The following ADGRL2 variants were observed in gnomAD, a reference collection of about 807,000 sequenced individuals.
ADGRL2 encodes adhesion G protein-coupled receptor L2.
Under a neutral mutation model 157.4 loss-of-function variants are expected in ADGRL2, and 44 were observed. The ratio of observed to expected loss-of-function variants is 0.28; its 90% CI spans 0.22 to 0.36. The LOEUF (loss-of-function observed/expected upper bound fraction) is 0.36, where lower values mean the gene tolerates loss of function less well. Among genes scored for constraint, ADGRL2 ranks in the 10% least tolerant of loss-of-function variants. ADGRL2 has a pLI of 1.00. For missense variants in ADGRL2, 1,510 were observed against 1,768.9 expected, an observed-to-expected ratio of 0.85 and a Z score of 2.63; for synonymous variants, 585 against 624.7, an observed-to-expected ratio of 0.94 and a Z score of 0.95.
chr1:81,721,524 G>T lies in ADGRL2; in HGVS notation c.-143+21716G>T, dbSNP rs766609582. 2.4e-4 allele frequency among the ~76,000 whole-genome samples: 36 copies of T among 152,276 alleles called. 1 individual carries two copies. The highest frequency in any genetic ancestry group is 6.2e-4 in the South Asian group (3 of 4,828). ...TAATCACAGCAATTTGGGAGGCTGA[G>T]ATGGAACGATCTCTTGAGCCCAGGA... On this transcript the variant is annotated intron_variant, in intron 1 of 20. Coordinates refer to the ADGRL2 transcript ENST00000359929.
At chr1:81,756,633 T>C (rs1291263260) in intron 1 of ADGRL2, among the ~76,000 whole-genome samples, 3 of 152,166 alleles carry the variant, frequency 2.0e-5, no homozygotes, top group Non-Finnish European at 4.4e-5. Flanking sequence ...TTGAAACAGA[T>C]GAATATTTTA....
chr1:81,525,611 C>T (rs779636341), intron 2 of ADGRL2, among the ~76,000 whole-genome samples: 2 of 152,228 alleles, frequency 1.3e-5, no homozygotes, highest in African/African-American at 4.8e-5. Context: ...AGCCACCATA[C>T]CCTGCCTATA....
At position 81,622,888 on chromosome 1, in the gene ADGRL2, AT is replaced by A. The variant is rs375460199; in HGVS notation, c.-143+41911del. 4.3e-4 allele frequency among the ~76,000 whole-genome samples: 66 copies of A among 152,338 alleles called. 1 individual carries two copies. In the East Asian group the frequency reaches 0.012, roughly 27 times the overall value. On this transcript the variant is annotated intron_variant, in intron 3 of 24. Coordinates refer to the ADGRL2 transcript ENST00000370721. ...CATGATATTTCATTTTACATATATGATTTAATTCATTTAATGAATCTGGAAA... is the reference window on the plus strand; with the variant it reads ...CATGATATTTCATTTTACATATATGATTAATTCATTTAATGAATCTGGAAA...
intron 2 of ADGRL2, among the ~76,000 whole-genome samples, chr1:81,784,720 C>A (rs1487303510): frequency 3.3e-5 from 4 of 122,192 alleles, no homozygotes; most frequent in Non-Finnish European, 5.1e-5. Context: ...AGAGTGAGAC[C>A]CCGTCTCAAA....
At chr1:81,433,326 A>G (rs1354556133) in intron 1 of ADGRL2, among the ~76,000 whole-genome samples, 1 of 152,094 alleles carries the variant, frequency 6.6e-6, no homozygotes, top group Non-Finnish European at 1.5e-5. Flanking sequence ...TGTCCTCCTT[A>G]TTTTTCTTAA....
chr1:81,398,873 C>A (rs1003309642), intron 1 of ADGRL2, among the ~76,000 whole-genome samples: 5 of 152,066 alleles, frequency 3.3e-5, no homozygotes, highest in Non-Finnish European at 7.4e-5. Context: ...CTATAATATG[C>A]CTTATAGAGA....
At chr1:81,326,770 A>G (rs1307064888) in intron 1 of ADGRL2, among the ~76,000 whole-genome samples, 1 of 152,232 alleles carries the variant, frequency 6.6e-6, no homozygotes, top group African/African-American at 2.4e-5. Context: ...TCAGGTTTTA[A>G]TAAAGGTAAG....
At chr1:81,727,445 T>G (rs2084569584) in intron 1 of ADGRL2, among the ~76,000 whole-genome samples, 1 of 152,162 alleles carries the variant, frequency 6.6e-6, no homozygotes, top group South Asian at 2.1e-4. Context: ...AAACTTAATT[T>G]TTTTTTGAGA....
intron 9 of ADGRL2, among the ~76,000 whole-genome samples, chr1:81,952,736 CTT>C (rs11340252): frequency 6.7e-6 from 1 of 149,436 alleles, no homozygotes; most frequent in African/African-American, 2.5e-5. Flanking sequence ...AAAAAATTGA[CTT>C]TTTTTTTTAC....
chr1:81,578,059 C>G (rs1480675310), intron 2 of ADGRL2, among the ~76,000 whole-genome samples: 1 of 152,142 alleles, frequency 6.6e-6, no homozygotes, highest in Non-Finnish European at 1.5e-5. Flanking sequence ...ATAAATGACA[C>G]AGGGTATTAT....
At chr1:81,891,129 T>C (rs1271614479) in intron 2 of ADGRL2, among the ~76,000 whole-genome samples, 5 of 151,902 alleles carry the variant, frequency 3.3e-5, no homozygotes, top group African/African-American at 1.2e-4. Flanking sequence ...TACATACTTT[T>C]CTGGGAACCC....
intron 1 of ADGRL2, among the ~76,000 whole-genome samples, chr1:81,377,923 G>A (rs1251264761): frequency 6.6e-5 from 10 of 152,172 alleles, no homozygotes; most frequent in Admixed American, 6.5e-4. Flanking sequence ...GCTCACACCT[G>A]TAATCCCAAC....
At chr1:81,538,635 G>A (rs965977080) in intron 2 of ADGRL2, among the ~76,000 whole-genome samples, 1 of 152,142 alleles carries the variant, frequency 6.6e-6, no homozygotes, top group Non-Finnish European at 1.5e-5. Flanking sequence ...AGGGTGTTAT[G>A]TCGATGACTC....
intron 1 of ADGRL2, among the ~76,000 whole-genome samples, chr1:81,830,185 T>C (rs1262196062): frequency 6.6e-6 from 1 of 152,206 alleles, no homozygotes; most frequent in Admixed American, 6.5e-5. Context: ...ATAATGCCTT[T>C]AGAACCTAAC....
chr1:81,340,827 A>G (rs1016099204), intron 1 of ADGRL2, among the ~76,000 whole-genome samples: 1 of 152,090 alleles, frequency 6.6e-6, no homozygotes, highest in Admixed American at 6.6e-5. Context: ...AACCTTATTT[A>G]GGTTGATGCC....
intron 1 of ADGRL2, among the ~76,000 whole-genome samples, chr1:81,397,456 A>T (rs941212706): frequency 2.0e-5 from 3 of 151,402 alleles, no homozygotes; most frequent in Non-Finnish European, 4.4e-5. Flanking sequence ...AGTAGCTGAG[A>T]CTAGAGGCGC....
chr1:81,792,274 C>T (rs925124071), intron 2 of ADGRL2, among the ~76,000 whole-genome samples: 1 of 152,066 alleles, frequency 6.6e-6, no homozygotes, highest in East Asian at 1.9e-4. Flanking sequence ...TCCTGTTGTG[C>T]CAAATGTAGC....
chr1:81,787,724 G>GA lies in ADGRL2; in HGVS notation c.-101+25878dup, dbSNP rs1018649431. 7.2e-5 allele frequency among the ~76,000 whole-genome samples: 11 copies of GA among 151,766 alleles called. No individual in the cohort carries two copies. The East Asian group carries it at 2.1e-3, about 29-fold the overall frequency. On this transcript the variant is annotated intron_variant, in intron 2 of 20. Transcript: ENST00000359929. Reference sequence around the variant, plus strand: ...GGTGGGAAGTGGTGACAGGTGGGGAGAAAAAAGAAAACTGGTGAAAGTGAA... The same window carrying GA: ...GGTGGGAAGTGGTGACAGGTGGGGAGAAAAAAAGAAAACTGGTGAAAGTGAA...
Position 81,419,345 on chromosome 1 carries a change from AG to A in ADGRL2, c.-301-25689del, listed in dbSNP as rs373417532. 2.6e-3 allele frequency among the ~76,000 whole-genome samples: 390 copies of A among 152,242 alleles called. 1 individual carries two copies. The highest frequency in any genetic ancestry group is 9.0e-3 in the African/African-American group (374 of 41,526). On this transcript the variant is annotated intron_variant, in intron 1 of 24. Transcript: ENST00000370721. ...CAGCCTCCCTAGTAGCTGGGATTAC[AG>A]GTGTCCACCACCACACCTGGCTATT... is the stretch of plus-strand genomic sequence containing the variant.
Sources: gnomAD v4.1 joint callset for allele counts (sites outside exome capture counted in the v4.1 genomes callset) on GRCh38, gnomAD v4.1.1 for gene constraint, MANE v1.5 for transcripts, NCBI Gene and HGNC (gene_info 2026-07-23, HGNC 2026-07-21) for gene names.